TRPC6: variants seen among roughly 807,000 people sequenced by gnomAD.
TRPC6 encodes transient receptor potential cation channel subfamily C member 6.
In TRPC6, 55 loss-of-function variants were observed where a neutral mutation model predicts 90.7. The ratio of observed to expected loss-of-function variants is 0.61; its 90% CI spans 0.49 to 0.76. The LOEUF (loss-of-function observed/expected upper bound fraction) is 0.76. Ranked by LOEUF, TRPC6 falls within the 30% of genes least tolerant of loss-of-function variation. The pLI is 0.00. For synonymous variants in TRPC6, 393 were observed against 393.0 expected, an observed-to-expected ratio of 1.00 and a Z score of 0.00; for missense variants, 989 against 1,122.7, an observed-to-expected ratio of 0.88 and a Z score of 1.70.
chr11:101,555,850 T>A (rs1279933344), intron 1 of TRPC6, among the ~76,000 whole-genome samples: 2 of 152,126 alleles, frequency 1.3e-5, no homozygotes, highest in Non-Finnish European at 2.9e-5. Context: ...AGATCACTTG[T>A]TAGGGCACGA....
At chr11:101,538,747 C>T (rs7118839) in intron 1 of TRPC6, among the ~76,000 whole-genome samples, 116,470 of 152,100 alleles carry the variant, frequency 0.77, 46,245 homozygotes, top group Non-Finnish European at 0.87. Flanking sequence ...ACTGGACCCA[C>T]GTGAGAAGGC....
At chr11:101,527,805 G>T (rs555644825) in intron 1 of TRPC6, among the ~76,000 whole-genome samples, 1 of 152,082 alleles carries the variant, frequency 6.6e-6, no homozygotes, top group African/African-American at 2.4e-5. Flanking sequence ...CAGGCACAGT[G>T]GCTCACACCT....
At chr11:101,540,872 G>A (rs957145907) in intron 1 of TRPC6, among the ~76,000 whole-genome samples, 2 of 152,028 alleles carry the variant, frequency 1.3e-5, no homozygotes, top group Non-Finnish European at 2.9e-5. Flanking sequence ...ATAAAGGCAC[G>A]CAGGAATCGT....
chr11:101,554,251 G>C (rs1337808260), intron 1 of TRPC6, among the ~76,000 whole-genome samples: 1 of 152,100 alleles, frequency 6.6e-6, no homozygotes, highest in African/African-American at 2.4e-5. Flanking sequence ...AATGAAAATT[G>C]TTCCTTTTCA....
At chr11:101,528,266 A>T (rs1860828307) in intron 1 of TRPC6, among the ~76,000 whole-genome samples, 1 of 152,184 alleles carries the variant, frequency 6.6e-6, no homozygotes, top group Admixed American at 6.5e-5. Flanking sequence ...TAAGATACTG[A>T]CATGGAAAAT....
chr11:101,465,837 G>A (rs1324414756), intron 10 of TRPC6, among the ~76,000 whole-genome samples: 2 of 152,104 alleles, frequency 1.3e-5, no homozygotes, highest in East Asian at 3.9e-4. Flanking sequence ...CCTTGGTGGT[G>A]GGGAGTTGTG....
intron 10 of TRPC6, chr11:101,455,354 G>A (rs1565442218): frequency 2.4e-6 from 1 of 413,228 alleles, no homozygotes; most frequent in Non-Finnish European, 4.5e-6. Context: ...CAATCACGTT[G>A]TCATGAGAAT....
At chr11:101,510,681 A>G (rs943747265) in intron 1 of TRPC6, among the ~76,000 whole-genome samples, 11 of 152,142 alleles carry the variant, frequency 7.2e-5, no homozygotes, top group Non-Finnish European at 1.5e-4. Flanking sequence ...ATGTTTTTAC[A>G]TACCTCATTT....
chr11:101,556,308 C>G (rs1281836403), intron 1 of TRPC6, among the ~76,000 whole-genome samples: 1 of 148,704 alleles, frequency 6.7e-6, no homozygotes, highest in African/African-American at 2.5e-5. Flanking sequence ...AATCAACAAA[C>G]CTTTAGTTGG....
intron 1 of TRPC6, among the ~76,000 whole-genome samples, chr11:101,558,197 ATGTG>A (rs1228605722): frequency 8.5e-6 from 1 of 118,046 alleles, no homozygotes; most frequent in Non-Finnish European, 1.7e-5. Flanking sequence ...ATACATATAT[ATGTG>A]TGTGTATACA....
At chr11:101,471,767 A>G (rs1045818697) in intron 8 of TRPC6, among the ~76,000 whole-genome samples, 1 of 152,200 alleles carries the variant, frequency 6.6e-6, no homozygotes, top group Non-Finnish European at 1.5e-5. Context: ...ATTAATCTCA[A>G]CTTGAGAAAA....
chr11:101,482,830 G>T, intron 5 of TRPC6, 119 bp downstream of exon 5: 1 of 1,051,502 alleles, frequency 9.5e-7, no homozygotes, highest in Non-Finnish European at 1.4e-6. Context: ...AAATTATGAT[G>T]TGTGGTGCAC....
At chr11:101,503,542 C>G (rs1860180197) in intron 2 of TRPC6, among the ~76,000 whole-genome samples, 1 of 152,132 alleles carries the variant, frequency 6.6e-6, no homozygotes. Context: ...GCATTTGTCT[C>G]TCTAGTCAAC....
At chr11:101,488,487 C>T (rs1859728511) in intron 4 of TRPC6, among the ~76,000 whole-genome samples, 2 of 152,080 alleles carry the variant, frequency 1.3e-5, no homozygotes, top group South Asian at 2.1e-4. Flanking sequence ...AAAATAAATA[C>T]AAGACAAAAC....
intron 1 of TRPC6, among the ~76,000 whole-genome samples, chr11:101,507,701 G>C (rs186039126): frequency 6.6e-6 from 1 of 152,196 alleles, no homozygotes; most frequent in Admixed American, 6.5e-5. Context: ...GGCTACTATT[G>C]AGAAGCATGA....
intron 1 of TRPC6, among the ~76,000 whole-genome samples, chr11:101,522,892 C>G (rs1860694125): frequency 6.6e-6 from 1 of 152,154 alleles, no homozygotes; most frequent in Non-Finnish European, 1.5e-5. Flanking sequence ...TTGTAAAGCT[C>G]TATCAGACTA....
intron 1 of TRPC6, among the ~76,000 whole-genome samples, chr11:101,582,867 C>CGCACCCA (rs1862229100): frequency 6.6e-6 from 1 of 152,210 alleles, no homozygotes; most frequent in South Asian, 2.1e-4. Flanking sequence ...GACCGCCGGG[C>CGCACCCA]GCACCCAGCA....
intron 1 of TRPC6, among the ~76,000 whole-genome samples, chr11:101,559,376 C>T (rs1361255170): frequency 6.6e-6 from 1 of 152,108 alleles, no homozygotes; most frequent in African/African-American, 2.4e-5. Flanking sequence ...TATAAATTGC[C>T]AATTTACAAT....
intron 1 of TRPC6, among the ~76,000 whole-genome samples, chr11:101,543,587 G>C (rs1157966444): frequency 2.6e-5 from 4 of 151,988 alleles, no homozygotes; most frequent in African/African-American, 9.7e-5. Flanking sequence ...CCACACATCT[G>C]CAACCATCTG....
Sources: allele counts gnomAD v4.1 joint callset (sites outside exome capture counted in the v4.1 genomes callset), GRCh38; gene constraint gnomAD v4.1.1; transcripts MANE v1.5; gene names NCBI Gene and HGNC (gene_info 2026-07-23, HGNC 2026-07-21).